The following SOX5 variants were observed in gnomAD, a reference collection of about 807,000 sequenced individuals.
The protein encoded by SOX5 is SRY-box transcription factor 5.
In SOX5, 9 loss-of-function variants were observed where a neutral mutation model predicts 92.0. The observed-to-expected ratio is 0.10, with a 90% CI of 0.06 to 0.17. The LOEUF (loss-of-function observed/expected upper bound fraction) is 0.17. SOX5 is among the 10% of genes least tolerant of loss of function. SOX5 has a pLI of 1.00. For synonymous variants in SOX5, 344 were observed against 336.3 expected (o/e 1.02, Z -0.25); for missense variants, 642 against 944.5 (o/e 0.68, Z 4.20).
At chr12:23,773,703 G>A (rs549102857) in intron 3 of SOX5, among the ~76,000 whole-genome samples, 3 of 151,528 alleles carry the variant, frequency 2.0e-5, no homozygotes, top group East Asian at 1.9e-4. Context: ...AAAACTTGTC[G>A]CTGATTTCTA....
chr12:23,701,523 AT>A (rs1283901372), intron 6 of SOX5, among the ~76,000 whole-genome samples: 11 of 152,112 alleles, frequency 7.2e-5, no homozygotes, highest in African/African-American at 2.7e-4. Context: ...TAAACATATC[AT>A]TAAGGTCAAA....
intron 1 of SOX5, among the ~76,000 whole-genome samples, chr12:24,503,099 C>A (rs1404239512): frequency 6.6e-6 from 1 of 152,194 alleles, no homozygotes; most frequent in Non-Finnish European, 1.5e-5. Context: ...GAAATTAGAA[C>A]AAGGTGTGTA....
intron 1 of SOX5, among the ~76,000 whole-genome samples, chr12:24,374,850 G>A (rs1285165889): frequency 6.6e-6 from 1 of 152,212 alleles, no homozygotes; most frequent in African/African-American, 2.4e-5. Context: ...TGGGACAGAG[G>A]CAGGGCCTGC....
intron 2 of SOX5, among the ~76,000 whole-genome samples, chr12:24,294,024 T>TG (rs1946911056): frequency 6.6e-6 from 1 of 152,200 alleles, no homozygotes; most frequent in Non-Finnish European, 1.5e-5. Flanking sequence ...CCTTAAGTCC[T>TG]GGAAAAAAAT....
intron 3 of SOX5, among the ~76,000 whole-genome samples, chr12:24,216,765 C>A (rs1349003754): frequency 6.6e-6 from 1 of 151,846 alleles, no homozygotes; most frequent in Non-Finnish European, 1.5e-5. Context: ...CCATCTCTAC[C>A]AAAAATACAA....
chr12:23,591,109 AAT>A (rs1327703348), intron 9 of SOX5, among the ~76,000 whole-genome samples: 4 of 152,164 alleles, frequency 2.6e-5, no homozygotes, highest in East Asian at 1.9e-4. Context: ...ATTCTAAAAA[AAT>A]ATATAGTTAT....
chr12:24,200,800 A>G (rs1322089521), intron 4 of SOX5, among the ~76,000 whole-genome samples: 1 of 152,196 alleles, frequency 6.6e-6, no homozygotes, highest in East Asian at 1.9e-4. Context: ...TTCCTTCCAC[A>G]CAGGTAAGAT....
chr12:24,429,590 C>G (rs1937852970), intron 1 of SOX5, among the ~76,000 whole-genome samples: 3 of 151,062 alleles, frequency 2.0e-5, no homozygotes, highest in Admixed American at 6.6e-5. Flanking sequence ...GCTTTCTAAG[C>G]TATTTTCCTG....
intron 4 of SOX5, among the ~76,000 whole-genome samples, chr12:24,093,773 T>A (rs975872719): frequency 1.3e-5 from 2 of 151,590 alleles, no homozygotes; most frequent in Non-Finnish European, 2.9e-5. Context: ...GGTCCTATAG[T>A]ATGTGCTATT....
intron 1 of SOX5, among the ~76,000 whole-genome samples, chr12:24,517,088 A>G (rs1240787861): frequency 6.6e-6 from 1 of 152,212 alleles, no homozygotes; most frequent in Admixed American, 6.5e-5. Flanking sequence ...CTGATCTTTT[A>G]AAATCACACT....
chr12:23,686,692 G>A (rs185374508), intron 6 of SOX5, among the ~76,000 whole-genome samples: 1 of 152,120 alleles, frequency 6.6e-6, no homozygotes, highest in African/African-American at 2.4e-5. Context: ...AGTTGTTTAT[G>A]AACAGGGCCA....
chr12:24,331,860 A>AT (rs1951359112), intron 2 of SOX5, among the ~76,000 whole-genome samples: 3 of 149,734 alleles, frequency 2.0e-5, no homozygotes, highest in Non-Finnish European at 4.5e-5. Flanking sequence ...AAAAAAAAAA[A>AT]AAAAAAAAAA....
intron 4 of SOX5, among the ~76,000 whole-genome samples, chr12:24,195,432 A>G (rs1156422352): frequency 6.6e-6 from 1 of 152,210 alleles, no homozygotes; most frequent in African/African-American, 2.4e-5. Context: ...TTTAGGCCCA[A>G]AGAATACTTT....
At chr12:23,753,478 G>T (rs1389387877) in intron 4 of SOX5, among the ~76,000 whole-genome samples, 3 of 151,540 alleles carry the variant, frequency 2.0e-5, no homozygotes, top group Non-Finnish European at 3.0e-5. Context: ...GTAAAGGCTG[G>T]AAACATCCTA....
intron 3 of SOX5, among the ~76,000 whole-genome samples, chr12:23,834,919 T>C (rs1044847578): frequency 1.3e-5 from 2 of 151,850 alleles, no homozygotes; most frequent in Non-Finnish European, 2.9e-5. Flanking sequence ...TATAGAAAGA[T>C]TAAAATAAGC....
At chr12:24,335,183 T>C (rs1951751818) in intron 2 of SOX5, among the ~76,000 whole-genome samples, 1 of 152,158 alleles carries the variant, frequency 6.6e-6, no homozygotes, top group Non-Finnish European at 1.5e-5. Flanking sequence ...CTCTTTCACC[T>C]CTAGGTTCTT....
In SOX5 at chr12:24,481,556, T is replaced by G. The variant is rs183789932; in HGVS notation, c.-251+80773A>C. ...CCCATAAATATATATACTTACTAGGTACCCGCAAAAATTAAAAATAAACAA... is the reference window on the plus strand; with the variant it reads ...CCCATAAATATATATACTTACTAGGGACCCGCAAAAATTAAAAATAAACAA... On this transcript the variant is annotated intron_variant, in intron 1 of 4. Coordinates refer to the SOX5 transcript ENST00000446891. Among the ~76,000 whole-genome samples, 637 of 152,278 alleles carry G rather than the reference T, an allele frequency of 4.2e-3. 1 individual carries two copies. Among genetic ancestry groups the G allele is most frequent in the Non-Finnish European group, 6.4e-3 (432 of 68,016 alleles).
intron 1 of SOX5, among the ~76,000 whole-genome samples, chr12:24,500,739 C>T (rs1276502856): frequency 5.3e-5 from 8 of 152,144 alleles, no homozygotes. Context: ...TCTTAGCTAC[C>T]GCTGTTCCAA....
At chr12:24,320,071 T>C (rs1472981229) in intron 2 of SOX5, among the ~76,000 whole-genome samples, 3 of 152,344 alleles carry the variant, frequency 2.0e-5, no homozygotes, top group African/African-American at 7.2e-5. Flanking sequence ...TCATTTTGCA[T>C]TCTCAGTGTC....
Sources: gnomAD v4.1 joint callset for allele counts (sites outside exome capture counted in the v4.1 genomes callset) on GRCh38, gnomAD v4.1.1 for gene constraint, MANE v1.5 for transcripts, NCBI Gene and HGNC (gene_info 2026-07-23, HGNC 2026-07-21) for gene names.